The following CACNA2D1 variants were observed in gnomAD, a reference collection of about 807,000 sequenced individuals.
The protein encoded by CACNA2D1 is voltage-dependent calcium channel subunit alpha-2/delta-1.
In CACNA2D1, 53 loss-of-function variants were observed where a neutral mutation model predicts 171.5. The observed-to-expected ratio is 0.31, with a 90% CI of 0.25 to 0.39. The LOEUF (loss-of-function observed/expected upper bound fraction) is 0.39. Among genes scored for constraint, CACNA2D1 ranks in the 10% least tolerant of loss-of-function variants. The probability of loss-of-function intolerance (pLI) is 1.00; values close to 1 mark genes in which losing one functional copy is unlikely to be tolerated. For synonymous variants in CACNA2D1, 442 were observed against 443.1 expected (o/e 1.00, Z 0.03); for missense variants, 903 against 1,299.8 (o/e 0.69, Z 4.69).
chr7:82,415,972 T>C lies in CACNA2D1; in HGVS notation c.95+27393A>G, dbSNP rs567882185. The stretch of plus-strand genomic sequence containing the variant: ...GCTCACACCTGTAATCCCAGCTCTT[T>C]GGGAGGCCAAGACGGGTGGATTGCT... On this transcript the variant is annotated intron_variant, in intron 1 of 38. Transcript: ENST00000356860. Among the ~76,000 whole-genome samples, 12 of 152,044 alleles carry C rather than the reference T, an allele frequency of 7.9e-5. No homozygotes were observed. In the South Asian group the frequency reaches 2.5e-3, roughly 32 times the overall value.
At chr7:82,013,847 C>A (rs1800096043) in intron 13 of CACNA2D1, among the ~76,000 whole-genome samples, 3 of 151,818 alleles carry the variant, frequency 2.0e-5, no homozygotes, top group South Asian at 2.1e-4. Context: ...TATATAAAAT[C>A]TTTGCCTAAA....
chr7:81,954,493 C>T (rs1792986607), intron 38 of CACNA2D1, among the ~76,000 whole-genome samples: 1 of 151,992 alleles, frequency 6.6e-6, no homozygotes, highest in African/African-American at 2.4e-5. Context: ...TTTCTTCATA[C>T]AGCATGCGTT....
intron 4 of CACNA2D1, among the ~76,000 whole-genome samples, chr7:82,152,585 G>T (rs1180097247): frequency 6.6e-6 from 1 of 151,820 alleles, no homozygotes; most frequent in Non-Finnish European, 1.5e-5. Flanking sequence ...CATTTATATG[G>T]ATTTTACATT....
chr7:82,355,371 T>C (rs1300788460), intron 1 of CACNA2D1, among the ~76,000 whole-genome samples: 2 of 152,158 alleles, frequency 1.3e-5, no homozygotes, highest in African/African-American at 4.8e-5. Context: ...TTTTCAAATA[T>C]GCAGTGGCAA....
Position 81,948,450 on chromosome 7 carries a change from C to A in CACNA2D1, c.*1942G>T, listed in dbSNP as rs559226289. Reference sequence around the variant, plus strand: ...GTTGGCAAAGTGATTCCATTTCCCCCCACCTTTTTATTGAAAAAAAAAATC... The same window carrying A: ...GTTGGCAAAGTGATTCCATTTCCCCACACCTTTTTATTGAAAAAAAAAATC... On this transcript the variant is annotated 3_prime_UTR_variant, in exon 39 of 39. Coordinates refer to ENST00000356860, the MANE Select transcript of CACNA2D1 (RefSeq NM_000722.4). 1 of 148,478 alleles carries A rather than the reference C, an allele frequency of 6.7e-6. No individual in the cohort carries two copies. Among genetic ancestry groups the A allele is most frequent in the Non-Finnish European group, 1.5e-5 (1 of 66,342 alleles). 9.2% of individuals were successfully genotyped at this position (148,478 alleles called of 1,614,324 possible). A position where few individuals can be genotyped will look rare whatever the true frequency, so the allele number is the denominator to read the frequency against.
At chr7:82,105,398 CTTTTTTTT>C (rs572031121) in intron 6 of CACNA2D1, among the ~76,000 whole-genome samples, 1 of 99,486 alleles carries the variant, frequency 1.0e-5, no homozygotes, top group Non-Finnish European at 1.9e-5. Context: ...CAGTTTTTGT[CTTTTTTTT>C]TTTTTTTTTT....
chr7:82,145,557 GTATA>G (rs1181769647), intron 4 of CACNA2D1, among the ~76,000 whole-genome samples: 1 of 131,168 alleles, frequency 7.6e-6, no homozygotes, highest in Non-Finnish European at 1.6e-5. Flanking sequence ...ATATATGTGC[GTATA>G]TATAAAATTT....
chr7:82,312,289 CT>C (rs1416905148), intron 3 of CACNA2D1, among the ~76,000 whole-genome samples: 1 of 152,080 alleles, frequency 6.6e-6, no homozygotes, highest in Non-Finnish European at 1.5e-5. Context: ...TGGACTGAAT[CT>C]TAAATTTTTA....
chr7:82,306,640 A>T (rs1168656402), intron 3 of CACNA2D1, among the ~76,000 whole-genome samples: 3 of 152,084 alleles, frequency 2.0e-5, no homozygotes, highest in African/African-American at 7.2e-5. Flanking sequence ...CTGCTATCCT[A>T]ATCTATTTCT....
chr7:82,203,909 C>T (rs1433126793), intron 3 of CACNA2D1, among the ~76,000 whole-genome samples: 1 of 152,190 alleles, frequency 6.6e-6, no homozygotes, highest in Non-Finnish European at 1.5e-5. Context: ...GCACAGACAT[C>T]CACTTTAGCA....
chr7:82,027,864 T>C (rs1802140363), intron 12 of CACNA2D1: 2 of 151,826 alleles, frequency 1.3e-5, no homozygotes, highest in Non-Finnish European at 2.9e-5. Context: ...TCCCTGAAGC[T>C]GGCAGAGGTT....
At chr7:82,107,309 C>T (rs1478565888) in intron 6 of CACNA2D1, among the ~76,000 whole-genome samples, 2 of 151,968 alleles carry the variant, frequency 1.3e-5, no homozygotes, top group Non-Finnish European at 1.5e-5. Context: ...TCAAAGGAAC[C>T]AGAAAAAAAC....
Position 82,066,082 on chromosome 7 carries a change from C to T in CACNA2D1, c.728+373G>A, listed in dbSNP as rs142022397. 2.1e-3 allele frequency among the ~76,000 whole-genome samples: 314 copies of T among 152,194 alleles called. 1 individual carries two copies. Among genetic ancestry groups the T allele is most frequent in the African/African-American group, 7.2e-3 (298 of 41,534 alleles). On this transcript the variant is annotated intron_variant, in intron 8 of 38. Coordinates refer to ENST00000356860, the MANE Select transcript of CACNA2D1 (RefSeq NM_000722.4). ...CAGCTTTTACCTTGGGGCCAATTCT[C>T]ATTAGTTCACTGCCAGAGGCAAATT...
intron 1 of CACNA2D1, among the ~76,000 whole-genome samples, chr7:82,392,695 A>C (rs1825268388): frequency 6.6e-6 from 1 of 152,214 alleles, no homozygotes; most frequent in South Asian, 2.1e-4. Context: ...AATCATTAAC[A>C]GTTTAGAATG....
chr7:82,023,960 T>C (rs1386323369), intron 12 of CACNA2D1: 1 of 151,790 alleles, frequency 6.6e-6, no homozygotes, highest in Non-Finnish European at 1.5e-5. Context: ...GTCTTCAAGG[T>C]TCATCCAGGT....
chr7:82,255,197 C>T (rs1274750954), intron 3 of CACNA2D1, among the ~76,000 whole-genome samples: 1 of 152,166 alleles, frequency 6.6e-6, no homozygotes, highest in Non-Finnish European at 1.5e-5. Flanking sequence ...ATATCTAGCT[C>T]AAATGTCACC....
At chr7:82,062,729 C>CTTTTTTTT (rs71520797) in intron 9 of CACNA2D1, among the ~76,000 whole-genome samples, 1 of 52,188 alleles carries the variant, frequency 1.9e-5, no homozygotes, top group Non-Finnish European at 3.3e-5. Context: ...GGTATATCTC[C>CTTTTTTTT]TTTTTTTTTT....
rs145289962 is a variant in CACNA2D1 at position 82,232,211 on chromosome 7, A to G, written c.295-61602T>C. On this transcript the variant is annotated intron_variant, in intron 3 of 38. Coordinates refer to ENST00000356860, the MANE Select transcript of CACNA2D1 (RefSeq NM_000722.4). ...CAGTTTTACAAATTTAAATAGTCAG[A>G]ATACTAAAATGTGAAGAAATAGCAC... is the stretch of plus-strand genomic sequence containing the variant. 1.8e-3 allele frequency among the ~76,000 whole-genome samples: 267 copies of G among 152,272 alleles called. 3 individuals carry two copies. Among genetic ancestry groups the G allele is most frequent in the African/African-American group, 5.8e-3 (243 of 41,562 alleles).
At chr7:82,064,519 T>C (rs1336043091) in intron 8 of CACNA2D1, among the ~76,000 whole-genome samples, 165 bp from the exon 9 acceptor site, 7 of 152,130 alleles carry the variant, frequency 4.6e-5, no homozygotes, top group Non-Finnish European at 1.0e-4. Flanking sequence ...TCAATGTCAG[T>C]TTGATAAAAG....
Sources: allele counts gnomAD v4.1 joint callset (sites outside exome capture counted in the v4.1 genomes callset), GRCh38; gene constraint gnomAD v4.1.1; transcripts MANE v1.5; gene names NCBI Gene and HGNC (gene_info 2026-07-23, HGNC 2026-07-21).